AGBL4: variants seen among roughly 807,000 people sequenced by gnomAD.
AGBL4 encodes the protein cytosolic carboxypeptidase 6.
In AGBL4, 58 loss-of-function variants were observed where a neutral mutation model predicts 66.4. That is an observed-to-expected ratio of 0.87 (90% confidence interval 0.71 to 1.09). AGBL4 has a LOEUF of 1.09. Ranked by LOEUF, AGBL4 falls within the 50% of genes least tolerant of loss-of-function variation. AGBL4 has a pLI of 0.00. For missense variants in AGBL4, 579 were observed against 631.0 expected, an observed-to-expected ratio of 0.92 and a Z score of 0.88; for synonymous variants, 234 against 222.9, an observed-to-expected ratio of 1.05 and a Z score of -0.44.
At chr1:49,128,485 C>G (rs1645811776) in intron 4 of AGBL4, among the ~76,000 whole-genome samples, 1 of 151,850 alleles carries the variant, frequency 6.6e-6, no homozygotes, top group East Asian at 1.9e-4. Context: ...CAAGAATGTG[C>G]AAAATTGGTC....
chr1:49,539,442 C>T (rs1461796855), intron 3 of AGBL4, among the ~76,000 whole-genome samples: 1 of 152,162 alleles, frequency 6.6e-6, no homozygotes, highest in East Asian at 1.9e-4. Flanking sequence ...CAGCCTTCCA[C>T]ACACACACTT....
chr1:48,740,252 T>A (rs1649704941), intron 6 of AGBL4, among the ~76,000 whole-genome samples: 2 of 152,178 alleles, frequency 1.3e-5, no homozygotes, highest in Non-Finnish European at 2.9e-5. Flanking sequence ...CAAGGTCACC[T>A]GGAGCAATGT....
chr1:48,539,307 T>C (rs986760334), intron 12 of AGBL4, among the ~76,000 whole-genome samples: 2 of 152,170 alleles, frequency 1.3e-5, no homozygotes, highest in African/African-American at 4.8e-5. Context: ...TATAGGAACC[T>C]CAGAGGATGA....
chr1:49,207,944 T>C (rs1241041835), intron 4 of AGBL4, among the ~76,000 whole-genome samples: 2 of 152,048 alleles, frequency 1.3e-5, no homozygotes, highest in Non-Finnish European at 2.9e-5. Flanking sequence ...TTTCACTCTA[T>C]ATTATCCTTT....
intron 6 of AGBL4, among the ~76,000 whole-genome samples, chr1:48,789,535 C>T (rs1047560783): frequency 3.3e-5 from 5 of 152,066 alleles, no homozygotes; most frequent in Non-Finnish European, 7.4e-5. Flanking sequence ...GTGATCCTAC[C>T]ACCTTGGCCT....
chr1:49,516,285 C>G (rs1009848417), intron 3 of AGBL4, among the ~76,000 whole-genome samples: 1 of 151,846 alleles, frequency 6.6e-6, no homozygotes, highest in Admixed American at 6.6e-5. Flanking sequence ...AAGGAAAGTC[C>G]AAGGTGCCAT....
At chr1:49,640,816 T>G (rs377528304) in intron 3 of AGBL4, among the ~76,000 whole-genome samples, 1 of 152,156 alleles carries the variant, frequency 6.6e-6, no homozygotes, top group South Asian at 2.1e-4. Context: ...GCATAATCTT[T>G]GTGTATAATC....
intron 5 of AGBL4, among the ~76,000 whole-genome samples, chr1:48,955,853 T>C (rs912833768): frequency 6.6e-6 from 1 of 152,220 alleles, no homozygotes; most frequent in African/African-American, 2.4e-5. Flanking sequence ...AGGAATATGG[T>C]ATAACACAGG....
intron 2 of AGBL4, among the ~76,000 whole-genome samples, chr1:49,805,104 G>T (rs966785728): frequency 1.3e-5 from 2 of 152,156 alleles, no homozygotes; most frequent in Admixed American, 6.6e-5. Flanking sequence ...AGAAGATAAA[G>T]AAATGAGGCA....
At position 49,830,640 on chromosome 1, in the gene AGBL4, T is replaced by TA. The variant is rs1191008773; in HGVS notation, c.157+20755_157+20756insT. ...GATCCCATTTGTCAATTTTGGCTTTTGTTGCCATTGCTTTTGGTGTTTCAG... is the reference window on the plus strand; with the variant it reads ...GATCCCATTTGTCAATTTTGGCTTTTAGTTGCCATTGCTTTTGGTGTTTCAG... On this transcript the variant is annotated intron_variant, in intron 2 of 13. Coordinates refer to ENST00000371839, the MANE Select transcript of AGBL4 (RefSeq NM_032785.4). Among the ~76,000 whole-genome samples the TA allele has an allele frequency of 2.0e-5, 3 of 152,204 alleles. No homozygotes were observed. In the East Asian group the frequency reaches 5.8e-4, roughly 29 times the overall value.
At chr1:49,016,203 C>T (rs1013808505) in intron 5 of AGBL4, among the ~76,000 whole-genome samples, 2 of 152,156 alleles carry the variant, frequency 1.3e-5, no homozygotes, top group African/African-American at 4.8e-5. Context: ...CTGGAGTCAT[C>T]AGGGGCATGC....
rs780328634 is a variant in AGBL4, at chr1:48,663,150, A to T, written c.724+2T>A. 1 of 1,613,808 alleles carries T rather than the reference A, an allele frequency of 6.2e-7. No homozygotes were observed. Among genetic ancestry groups the T allele is most frequent in the East Asian group, 2.2e-5 (1 of 44,868 alleles). ...GGATACCTATGAGATCCTGCCACTCACCTTGGCACACAAATGATGAGGGTG... is the reference window on the plus strand; with the variant it reads ...GGATACCTATGAGATCCTGCCACTCTCCTTGGCACACAAATGATGAGGGTG... On this transcript the variant is annotated splice_donor_variant, in intron 7 of 13. Transcript: ENST00000371839. LOFTEE classifies it high-confidence loss of function.
At chr1:49,511,820 GTTGACTCTCCT>G (rs1294980141) in intron 3 of AGBL4, among the ~76,000 whole-genome samples, 1 of 151,890 alleles carries the variant, frequency 6.6e-6, no homozygotes, top group East Asian at 1.9e-4. Flanking sequence ...TACATGGACA[GTTGACTCTCCT>G]TTTTAGTTTT....
At chr1:49,061,535 T>C (rs1459877588) in intron 4 of AGBL4, among the ~76,000 whole-genome samples, 1 of 152,114 alleles carries the variant, frequency 6.6e-6, no homozygotes, top group Non-Finnish European at 1.5e-5. Context: ...GCCCTGGGAA[T>C]GTCTAATACA....
chr1:49,500,160 C>T (rs1204729461), intron 3 of AGBL4, among the ~76,000 whole-genome samples: 1 of 151,844 alleles, frequency 6.6e-6, no homozygotes, highest in Admixed American at 6.6e-5. Flanking sequence ...GTTTGTTAGC[C>T]ATTTGTATAT....
intron 11 of AGBL4, among the ~76,000 whole-genome samples, chr1:48,566,812 C>T (rs1644484759): frequency 6.6e-6 from 1 of 152,138 alleles, no homozygotes. Context: ...TCCAGGCTGC[C>T]AGCCCACGCT....
chr1:48,618,584 A>G (rs1181273339), intron 9 of AGBL4, among the ~76,000 whole-genome samples: 1 of 152,194 alleles, frequency 6.6e-6, no homozygotes, highest in Non-Finnish European at 1.5e-5. Flanking sequence ...ATGATCTCTG[A>G]GATCCTAGAA....
chr1:48,988,217 C>A (rs1421623556), intron 5 of AGBL4, among the ~76,000 whole-genome samples: 1 of 151,954 alleles, frequency 6.6e-6, no homozygotes, highest in South Asian at 2.1e-4. Context: ...TTTTTCCTAC[C>A]CATTCCATGA....
chr1:49,733,725 A>G (rs1270261391), intron 2 of AGBL4, among the ~76,000 whole-genome samples: 1 of 152,148 alleles, frequency 6.6e-6, no homozygotes, highest in Admixed American at 6.5e-5. Context: ...CACTATTTTT[A>G]AAAAGCCTGT....
Sources: allele counts gnomAD v4.1 joint callset (sites outside exome capture counted in the v4.1 genomes callset), GRCh38; gene constraint gnomAD v4.1.1; transcripts MANE v1.5; gene names NCBI Gene and HGNC (gene_info 2026-07-23, HGNC 2026-07-21).